Variants in NRG2 observed in about 807,000 individuals in gnomAD.
The protein encoded by NRG2 is neuregulin 2.
NRG2 carries 27 observed loss-of-function variants against 73.9 expected under a neutral mutation model. The observed-to-expected ratio is 0.37, with a 90% CI of 0.27 to 0.50. The LOEUF (loss-of-function observed/expected upper bound fraction) is 0.50, where lower values mean the gene tolerates loss of function less well. NRG2 is among the 20% of genes least tolerant of loss of function. NRG2 has a pLI of 0.96. For synonymous variants in NRG2, 532 were observed against 541.0 expected (o/e 0.98, Z 0.23); for missense variants, 1,126 against 1,210.1 (o/e 0.93, Z 1.03).
At chr5:139,860,272 GC>G (rs1191873356) in intron 5 of NRG2, among the ~76,000 whole-genome samples, 2 of 152,244 alleles carry the variant, frequency 1.3e-5, no homozygotes, top group Admixed American at 1.3e-4. Flanking sequence ...GGTCTCAGGA[GC>G]CCCCCTGCTC....
chr5:139,948,276 C>T (rs767629938), intron 1 of NRG2, among the ~76,000 whole-genome samples: 14 of 152,202 alleles, frequency 9.2e-5, no homozygotes, highest in African/African-American at 2.7e-4. Context: ...GTAGTCAGAA[C>T]GGAACCAGTC....
At chr5:139,928,804 C>T (rs1280009098) in intron 1 of NRG2, among the ~76,000 whole-genome samples, 2 of 152,196 alleles carry the variant, frequency 1.3e-5, no homozygotes, top group Non-Finnish European at 2.9e-5. Context: ...CTCAGCTTTT[C>T]CTCAGTCACT....
At chr5:140,002,937 G>T (rs932962065) in intron 1 of NRG2, among the ~76,000 whole-genome samples, 9 of 152,194 alleles carry the variant, frequency 5.9e-5, no homozygotes, top group African/African-American at 2.2e-4. Flanking sequence ...ATTAGATGTG[G>T]AGTGAAAGAA....
At chr5:140,020,035 G>C (rs1482239058) in intron 1 of NRG2, among the ~76,000 whole-genome samples, 3 of 152,184 alleles carry the variant, frequency 2.0e-5, no homozygotes, top group African/African-American at 7.2e-5. Flanking sequence ...TTACAGGCAT[G>C]AGCCACCATG....
chr5:139,995,501 T>G (rs1016207702), intron 1 of NRG2, among the ~76,000 whole-genome samples: 1 of 151,994 alleles, frequency 6.6e-6, no homozygotes, highest in African/African-American at 2.4e-5. Context: ...TTCCCACAAC[T>G]AGAAGGAAGA....
At chr5:139,914,563 C>T (rs894102913) in intron 1 of NRG2, among the ~76,000 whole-genome samples, 11 of 152,230 alleles carry the variant, frequency 7.2e-5, no homozygotes, top group African/African-American at 2.4e-4. Context: ...CCCCAGGACA[C>T]TCCCACTCCA....
intron 1 of NRG2, among the ~76,000 whole-genome samples, chr5:139,910,865 C>T (rs1394869215): frequency 1.3e-5 from 2 of 152,160 alleles, no homozygotes; most frequent in African/African-American, 4.8e-5. Flanking sequence ...TTCATCCTCC[C>T]TGCTTCATTT....
rs1048150289 is a variant in NRG2 at position 139,847,499 on chromosome 5, C to CCAA, written c.*415_*417dup. The CCAA allele has an allele frequency of 6.6e-6, 1 of 152,354 alleles. No individual in the cohort carries two copies. Among genetic ancestry groups the CCAA allele is most frequent in the African/African-American group, 2.5e-5 (1 of 40,784 alleles). The allele number at this position is 152,354 out of a possible 1,614,324, so 9.4% of individuals were successfully genotyped here. On this transcript the variant is annotated 3_prime_UTR_variant, in exon 10 of 10. Transcript: ENST00000361474. ...CCCCCACCGCCCCCCACCCTCGCCC[C>CCAA]CAACAGAACCCGCACCTCTTCTCTC...
chr5:139,942,333 C>T (rs571343906), intron 1 of NRG2, among the ~76,000 whole-genome samples: 64 of 152,218 alleles, frequency 4.2e-4, no homozygotes, highest in African/African-American at 1.5e-3. Flanking sequence ...AATGAATGAC[C>T]ACAAGCTTTA....
chr5:139,939,263 TTTC>T (rs1483659603), intron 1 of NRG2, among the ~76,000 whole-genome samples: 1 of 140,176 alleles, frequency 7.1e-6, no homozygotes, highest in East Asian at 2.1e-4. Flanking sequence ...TTTCTTTCTT[TTTC>T]TTTCTTTCTT....
At chr5:139,921,136 G>A (rs575032546) in intron 1 of NRG2, among the ~76,000 whole-genome samples, 5 of 152,292 alleles carry the variant, frequency 3.3e-5, no homozygotes, top group Admixed American at 6.5e-5. Flanking sequence ...GTTCATAGAC[G>A]CAAAGACTCC....
intron 1 of NRG2, among the ~76,000 whole-genome samples, chr5:139,959,260 C>T (rs1754881422): frequency 6.6e-6 from 1 of 152,224 alleles, no homozygotes; most frequent in African/African-American, 2.4e-5. Flanking sequence ...AGTGCAATGG[C>T]ACGATCTCAG....
rs945306382 is a variant in NRG2 at position 139,853,080 on chromosome 5, G to C, written c.1293-53C>G. The C allele has an allele frequency of 3.1e-6, 5 of 1,608,168 alleles. No individual in the cohort carries two copies. The highest frequency in any genetic ancestry group is 4.2e-6 in the Non-Finnish European group (5 of 1,177,590). On this transcript the variant is annotated intron_variant, in intron 6 of 9. Coordinates refer to ENST00000361474, the MANE Select transcript of NRG2 (RefSeq NM_004883.3). This position sits in a 1 kb window ranked among gnomAD's most constrained non-coding sequence, Gnocchi z 4.1. ...GGCATTCCCCCCACTCGCCAACGAT[G>C]AACTTCCCTAGCTATCTCTCTAGGG...
At chr5:139,861,467 C>A (rs1384569292) in intron 5 of NRG2, among the ~76,000 whole-genome samples, 1 of 152,206 alleles carries the variant, frequency 6.6e-6, no homozygotes, top group Non-Finnish European at 1.5e-5. Flanking sequence ...ACTGTGATGG[C>A]TCTGACTAAA....
intron 3 of NRG2, among the ~76,000 whole-genome samples, chr5:139,873,243 AC>A (rs1762973502): frequency 6.6e-6 from 1 of 151,768 alleles, no homozygotes; most frequent in South Asian, 2.1e-4. Flanking sequence ...CCGGAGCCCC[AC>A]CCCTGCTGAG....
rs1358196189 is a variant in NRG2, at chr5:139,852,096, C to A, written c.1545-265G>T. ...TGCAACCAGCCTCCCCCCAGCCTTA[C>A]CTTAGACCCCCTGTCTGGGACCTTT... On this transcript the variant is annotated intron_variant, in intron 8 of 9. Coordinates refer to ENST00000361474, the MANE Select transcript of NRG2 (RefSeq NM_004883.3). The surrounding 1 kb of genome is among the most constrained non-coding windows in gnomAD (Gnocchi z 4.4). Among the ~76,000 whole-genome samples the A allele has an allele frequency of 6.6e-6, 1 of 152,214 alleles. No individual in the cohort carries two copies. The highest frequency in any genetic ancestry group is 1.9e-4 in the East Asian group (1 of 5,204).
chr5:139,924,294 C>T (rs1051838694), intron 1 of NRG2, among the ~76,000 whole-genome samples: 3 of 152,142 alleles, frequency 2.0e-5, no homozygotes, highest in East Asian at 1.9e-4. Context: ...ATCAATTCAG[C>T]GTTGATAAGA....
intron 6 of NRG2, among the ~76,000 whole-genome samples, chr5:139,854,103 C>T (rs1761659812): frequency 2.6e-5 from 4 of 152,028 alleles, no homozygotes; most frequent in Admixed American, 2.6e-4. Context: ...AAAATAAAAC[C>T]CCTTTATTGG....
At chr5:139,968,406 T>C (rs958509628) in intron 1 of NRG2, among the ~76,000 whole-genome samples, 2 of 152,180 alleles carry the variant, frequency 1.3e-5, no homozygotes, top group East Asian at 3.9e-4. Context: ...AGGGCAGGAT[T>C]GGAACATCCT....
Sources: allele counts gnomAD v4.1 joint callset (sites outside exome capture counted in the v4.1 genomes callset), GRCh38; gene constraint gnomAD v4.1.1; non-coding constraint Gnocchi (gnomAD v3.1); transcripts MANE v1.5; gene names NCBI Gene and HGNC (gene_info 2026-07-23, HGNC 2026-07-21).